The following SLC36A1 variants were observed in gnomAD, a reference collection of about 807,000 sequenced individuals.
SLC36A1 encodes the protein solute carrier family 36 member 1, also known as proton-coupled amino acid transporter 1.
In SLC36A1, 30 loss-of-function variants were observed where a neutral mutation model predicts 47.5. The ratio of observed to expected loss-of-function variants is 0.63; its 90% confidence interval spans 0.47 to 0.86. The LOEUF is 0.86. SLC36A1 is among the 40% of genes least tolerant of loss of function. SLC36A1 has a pLI of 0.00. For synonymous variants in SLC36A1, 255 were observed against 249.7 expected (o/e 1.02, Z -0.20); for missense variants, 517 against 606.0 (o/e 0.85, Z 1.54).
chr5:151,467,151 GCAT>G, intron 5 of SLC36A1, 45 bp from the exon 6 acceptor site: 1 of 1,316,480 alleles, frequency 7.6e-7, no homozygotes, highest in Non-Finnish European at 1.1e-6. Context: ...TGGGAGCATT[GCAT>G]TTGTATTGTA....
At chr5:151,495,092 G>C (rs762915103), downstream of SLC36A1, among the ~76,000 whole-genome samples, 6 of 152,182 alleles carry the variant, frequency 3.9e-5, no homozygotes, top group African/African-American at 1.4e-4. Context: ...GCCGTTCCTT[G>C]TTGGATTCCT....
the SLC36A1 span, among the ~76,000 whole-genome samples, chr5:151,515,967 T>C: frequency 1.3e-5 from 2 of 152,166 alleles, no homozygotes; most frequent in Admixed American, 1.3e-4. Flanking sequence ...CCCCATCCCA[T>C]TACGTCTCTG....
the SLC36A1 span, among the ~76,000 whole-genome samples, chr5:151,397,079 G>T: frequency 6.6e-6 from 1 of 152,192 alleles, no homozygotes; most frequent in Admixed American, 6.5e-5. Flanking sequence ...TTCTCTGTAG[G>T]CCTGGTAAAA....
chr5:151,500,828 T>C, the SLC36A1 span, among the ~76,000 whole-genome samples: 1 of 152,238 alleles, frequency 6.6e-6, no homozygotes, highest in Non-Finnish European at 1.5e-5. Flanking sequence ...CCCAGTGGTT[T>C]AGGATGCCGG....
At chr5:151,347,224 C>T in the SLC36A1 span, 2 of 1,576,192 alleles carry the variant, frequency 1.3e-6, no homozygotes, top group Non-Finnish European at 1.7e-6. Flanking sequence ...CAGACACACC[C>T]ACCTCAGGGT....
rs115288335 is a variant in SLC36A1 at position 151,457,332 on chromosome 5, T to C, written c.-5-1456T>C. On this transcript the variant is annotated intron_variant, in intron 1 of 10. Coordinates refer to ENST00000243389, the MANE Select transcript of SLC36A1 (RefSeq NM_078483.4). ...TTAGAGTGACCTGTGAAGGCTCATT[T>C]AGCAATGGTCTCTAGGATTCTAGGG... Among the ~76,000 whole-genome samples the C allele has an allele frequency of 6.6e-3, 1,005 of 152,188 alleles. 9 individuals carry two copies. Among genetic ancestry groups the C allele is most frequent in the African/African-American group, 0.023 (968 of 41,516 alleles).
At chr5:151,539,423 G>A in the SLC36A1 span, among the ~76,000 whole-genome samples, 27 of 152,292 alleles carry the variant, frequency 1.8e-4, no homozygotes, top group African/African-American at 5.8e-4. Context: ...AATTTGTTAC[G>A]TATAGTTGCA....
chr5:151,421,611 TAG>T, the SLC36A1 span, among the ~76,000 whole-genome samples: 1 of 150,156 alleles, frequency 6.7e-6, no homozygotes, highest in Non-Finnish European at 1.5e-5. Flanking sequence ...TTGTTTTAGA[TAG>T]AGTCTCACTC....
At chr5:151,412,267 A>T in the SLC36A1 span, among the ~76,000 whole-genome samples, 1 of 144,844 alleles carries the variant, frequency 6.9e-6, no homozygotes, top group Non-Finnish European at 1.5e-5. Flanking sequence ...AATATTTCCT[A>T]TATAAACATG....
the SLC36A1 span, among the ~76,000 whole-genome samples, chr5:151,400,264 T>A: frequency 2.0e-5 from 3 of 152,152 alleles, no homozygotes; most frequent in African/African-American, 7.2e-5. Context: ...TGGTATTTGG[T>A]TTTCAGTTTT....
intron 7 of SLC36A1, among the ~76,000 whole-genome samples, chr5:151,471,306 A>G (rs965852733): frequency 2.0e-5 from 3 of 152,212 alleles, no homozygotes; most frequent in Non-Finnish European, 4.4e-5. Context: ...GTTAATAACG[A>G]GCTGATTTTA....
downstream of SLC36A1, among the ~76,000 whole-genome samples, chr5:151,495,857 T>G (rs1455613319): frequency 2.0e-5 from 3 of 152,234 alleles, no homozygotes; most frequent in African/African-American, 7.2e-5. Context: ...TTATCAATAG[T>G]TTTTTTCTTT....
chr5:151,450,745 AT>A (rs1251233931), intron 1 of SLC36A1, among the ~76,000 whole-genome samples: 1 of 152,320 alleles, frequency 6.6e-6, no homozygotes, highest in Non-Finnish European at 1.5e-5. Context: ...AGTTCTTTAA[AT>A]GCTTGATATC....
intron 1 of SLC36A1, among the ~76,000 whole-genome samples, chr5:151,456,299 G>A (rs528780833): frequency 3.9e-5 from 6 of 152,276 alleles, no homozygotes; most frequent in African/African-American, 1.4e-4. Flanking sequence ...GTGAGACACT[G>A]CACTCAGCTG....
chr5:151,353,599 C>T, the SLC36A1 span, among the ~76,000 whole-genome samples: 6 of 152,124 alleles, frequency 3.9e-5, no homozygotes, highest in Non-Finnish European at 8.8e-5. Context: ...CTTTGGGGTT[C>T]ATTCTTGGTG....
chr5:151,440,336 T>C (rs1752549852), intron 1 of SLC36A1, among the ~76,000 whole-genome samples: 3 of 152,154 alleles, frequency 2.0e-5, no homozygotes, highest in Admixed American at 2.0e-4. Context: ...TTTTCTTTAT[T>C]TTTTATTTTT....
At chr5:151,505,937 G>C in the SLC36A1 span, 1 of 1,584,124 alleles carries the variant, frequency 6.3e-7, no homozygotes, top group Non-Finnish European at 8.6e-7. Flanking sequence ...GGGGGAAGGG[G>C]AAGCCCCCAT....
At chr5:151,413,876 T>G in the SLC36A1 span, among the ~76,000 whole-genome samples, 1 of 152,068 alleles carries the variant, frequency 6.6e-6, no homozygotes, top group Non-Finnish European at 1.5e-5. Context: ...CGTATATATA[T>G]GTATATATAT....
the SLC36A1 span, among the ~76,000 whole-genome samples, chr5:151,365,398 T>C: frequency 1.3e-5 from 2 of 152,302 alleles, no homozygotes; most frequent in Non-Finnish European, 2.9e-5. Context: ...CTGTCCTATT[T>C]GACAGGCTCA....
Sources: allele counts gnomAD v4.1 joint callset (sites outside exome capture counted in the v4.1 genomes callset), GRCh38; gene constraint gnomAD v4.1.1; transcripts MANE v1.5; gene names NCBI Gene and HGNC (gene_info 2026-07-23, HGNC 2026-07-21).